The following PDE1C variants were observed in gnomAD, a reference collection of about 807,000 sequenced individuals.
PDE1C encodes the protein phosphodiesterase 1C.
In PDE1C, 62 loss-of-function variants were observed where a neutral mutation model predicts 93.1. The observed-to-expected ratio is 0.67, with a 90% CI of 0.54 to 0.82. The LOEUF (loss-of-function observed/expected upper bound fraction) is 0.82. Among genes scored for constraint, PDE1C ranks in the 40% least tolerant of loss-of-function variants. PDE1C has a pLI of 0.00. For missense variants in PDE1C, 742 were observed against 884.6 expected (o/e 0.84, Z 2.04); for synonymous variants, 325 against 310.1 (o/e 1.05, Z -0.50).
At chr7:31,940,504 C>A (rs755696182) in intron 2 of PDE1C, among the ~76,000 whole-genome samples, 1 of 152,134 alleles carries the variant, frequency 6.6e-6, no homozygotes, top group South Asian at 2.1e-4. Flanking sequence ...CCCCAGAATA[C>A]AAACAGGCCA....
intron 1 of PDE1C, among the ~76,000 whole-genome samples, chr7:32,241,462 G>C (rs1808540940): frequency 6.6e-6 from 1 of 152,118 alleles, no homozygotes; most frequent in Non-Finnish European, 1.5e-5. Context: ...TGGAGGTATT[G>C]GGTGATCCTG....
chr7:32,179,087 T>C (rs1313664295), intron 2 of PDE1C, among the ~76,000 whole-genome samples: 1 of 152,194 alleles, frequency 6.6e-6, no homozygotes, highest in Non-Finnish European at 1.5e-5. Context: ...CTCATTCTCC[T>C]AATCCAAGGC....
chr7:32,400,414 CA>C (rs890394962), intron 1 of PDE1C, among the ~76,000 whole-genome samples: 2 of 150,100 alleles, frequency 1.3e-5, no homozygotes, highest in African/African-American at 5.0e-5. Flanking sequence ...ATGTTCTATG[CA>C]AAAAAAAGAA....
chr7:31,928,168 T>C (rs1018791711), intron 2 of PDE1C, among the ~76,000 whole-genome samples: 1 of 151,738 alleles, frequency 6.6e-6, no homozygotes, highest in Non-Finnish European at 1.5e-5. Flanking sequence ...GCTGAATTGA[T>C]CAAGCGGAAG....
intron 2 of PDE1C, among the ~76,000 whole-genome samples, chr7:32,015,795 G>C (rs1488789354): frequency 6.6e-6 from 1 of 151,886 alleles, no homozygotes; most frequent in African/African-American, 2.4e-5. Context: ...TGGAAATATG[G>C]GTAAAAATAT....
At chr7:32,318,763 C>T (rs1276785010) in intron 1 of PDE1C, among the ~76,000 whole-genome samples, 1 of 152,106 alleles carries the variant, frequency 6.6e-6, no homozygotes, top group African/African-American at 2.4e-5. Flanking sequence ...TACATTTGCC[C>T]GCGTATCTAC....
chr7:31,866,406 G>A (rs905258812), intron 6 of PDE1C, among the ~76,000 whole-genome samples: 1 of 152,158 alleles, frequency 6.6e-6, no homozygotes, highest in Non-Finnish European at 1.5e-5. Context: ...GTTTCACAGA[G>A]ATCTAAGAGT....
chr7:32,206,091 CGCG>C (rs1562577782), intron 2 of PDE1C, among the ~76,000 whole-genome samples: 1 of 151,868 alleles, frequency 6.6e-6, no homozygotes, highest in African/African-American at 2.4e-5. Flanking sequence ...ACCTGCTCAA[CGCG>C]GCACAGAATT....
At chr7:31,754,727 G>A (rs567226039) in intron 17 of PDE1C, among the ~76,000 whole-genome samples, 1 of 152,250 alleles carries the variant, frequency 6.6e-6, no homozygotes, top group Non-Finnish European at 1.5e-5. Context: ...AGATTGTCAG[G>A]CGTTTGGAAA....
chr7:32,048,455 C>T (rs1032585842), intron 2 of PDE1C, among the ~76,000 whole-genome samples: 4 of 151,834 alleles, frequency 2.6e-5, no homozygotes, highest in Non-Finnish European at 5.9e-5. Context: ...AGTAAGAAGC[C>T]CAAGCCAGAT....
chr7:32,086,115 A>G (rs1797055625), intron 3 of PDE1C, among the ~76,000 whole-genome samples: 1 of 148,526 alleles, frequency 6.7e-6, no homozygotes, highest in Non-Finnish European at 1.5e-5. Context: ...CCACTGTTTC[A>G]GCCCAAAATC....
At position 32,096,415 on chromosome 7, in the gene PDE1C, C is replaced by T. The variant is rs78581284; in HGVS notation, c.308+73370G>A. Among the ~76,000 whole-genome samples the T allele has an allele frequency of 8.0e-3, 1,225 of 152,280 alleles. 15 individuals carry two copies. Among genetic ancestry groups the T allele is most frequent in the African/African-American group, 0.028 (1,157 of 41,562 alleles). On this transcript the variant is annotated intron_variant, in intron 3 of 18. Coordinates refer to the PDE1C transcript ENST00000396193. ...CTCCAAAACAAACTTTTTAAATCTT[C>T]AGTTGTAGGGCCATAGGGTGCATAA...
chr7:32,092,164 T>TGTGA (rs1554501275), intron 3 of PDE1C, among the ~76,000 whole-genome samples: 1 of 148,934 alleles, frequency 6.7e-6, no homozygotes, highest in East Asian at 2.0e-4. Flanking sequence ...CTTTTGTTCA[T>TGTGA]GAGAGAGAGA....
At chr7:32,070,932 T>A (rs1193436928), upstream of PDE1C, 6 of 985,132 alleles carry the variant, frequency 6.1e-6, no homozygotes, top group East Asian at 5.7e-4. Flanking sequence ...CCCCGCTCAC[T>A]CCCTGGCCGC....
At chr7:32,251,082 T>C (rs57877670) in intron 1 of PDE1C, among the ~76,000 whole-genome samples, 36,918 of 152,192 alleles carry the variant, frequency 0.24, 4,849 homozygotes, top group African/African-American at 0.33. Flanking sequence ...CAAGCGCGCG[T>C]GCGCACACAC....
At chr7:31,800,673 G>A (rs1562821347) in intron 16 of PDE1C, among the ~76,000 whole-genome samples, 1 of 151,326 alleles carries the variant, frequency 6.6e-6, no homozygotes, top group Admixed American at 6.6e-5. Flanking sequence ...CTTCTCTGTA[G>A]TCCTCCAACT....
intron 14 of PDE1C, chr7:31,821,004 C>A (rs1008529973): frequency 2.8e-5 from 4 of 144,002 alleles, no homozygotes; most frequent in African/African-American, 1.0e-4. Flanking sequence ...AAAAAAAAAA[C>A]CTTGCAAGTC....
intron 17 of PDE1C, among the ~76,000 whole-genome samples, chr7:31,768,755 T>G (rs920859697): frequency 6.6e-6 from 1 of 152,152 alleles, no homozygotes; most frequent in Non-Finnish European, 1.5e-5. Flanking sequence ...GTCTCATACA[T>G]TCCTTGTGGG....
chr7:31,990,794 G>C (rs1003862662), intron 2 of PDE1C, among the ~76,000 whole-genome samples: 5 of 152,184 alleles, frequency 3.3e-5, no homozygotes, highest in South Asian at 4.2e-4. Flanking sequence ...TCCTCTGCTG[G>C]AGATTCACAT....
Sources: gnomAD v4.1 joint callset for allele counts (sites outside exome capture counted in the v4.1 genomes callset) on GRCh38, gnomAD v4.1.1 for gene constraint, MANE v1.5 for transcripts, NCBI Gene and HGNC (gene_info 2026-07-23, HGNC 2026-07-21) for gene names.